Variants in RAD54B observed in about 807,000 individuals in gnomAD.
RAD54B encodes the protein RAD54 homolog B, also known as DNA repair and recombination protein RAD54B.
In RAD54B, 78 loss-of-function variants were observed where a neutral mutation model predicts 95.8. That is an observed-to-expected ratio of 0.81 (90% CI 0.68 to 0.98). The LOEUF is 0.98. RAD54B is among the 50% of genes least tolerant of loss of function. RAD54B has a pLI of 0.00. For missense variants in RAD54B, 957 were observed against 1,056.6 expected (o/e 0.91, Z 1.31); for synonymous variants, 328 against 354.9 (o/e 0.92, Z 0.85).
intron 6 of RAD54B, 46 bp from the exon 7 acceptor site, chr8:94,400,509 T>C (rs768220847): frequency 4.1e-6 from 6 of 1,456,196 alleles, no homozygotes; most frequent in African/African-American, 1.4e-5. Context: ...AGAAAAATAT[T>C]TTATGCTCTT....
chr8:94,420,479 C>T (rs1010036706), intron 3 of RAD54B, among the ~76,000 whole-genome samples: 4 of 151,490 alleles, frequency 2.6e-5, no homozygotes, highest in East Asian at 3.9e-4. Context: ...AGGCTGGTGT[C>T]GAACTCATGA....
At chr8:94,473,736 A>G (rs1813225500) in intron 1 of RAD54B, among the ~76,000 whole-genome samples, 1 of 152,178 alleles carries the variant, frequency 6.6e-6, no homozygotes, top group Non-Finnish European at 1.5e-5. Flanking sequence ...ATGTAAGTAC[A>G]CCAACTCTAC....
chr8:94,473,803 T>C (rs1256907615), intron 1 of RAD54B, among the ~76,000 whole-genome samples: 1 of 152,172 alleles, frequency 6.6e-6, no homozygotes, highest in African/African-American at 2.4e-5. Context: ...CCAACTACAT[T>C]AGGTAGTAAT....
At chr8:94,429,061 T>C (rs1488280890) in intron 3 of RAD54B, 1 of 985,246 alleles carries the variant, frequency 1.0e-6, no homozygotes, top group East Asian at 1.1e-4. Context: ...AAATTAAAAG[T>C]AAACAAGACT....
intron 11 of RAD54B, among the ~76,000 whole-genome samples, chr8:94,382,906 G>A (rs138381084): frequency 6.6e-6 from 1 of 152,306 alleles, no homozygotes; most frequent in African/African-American, 2.4e-5. Context: ...GTGGAACTGT[G>A]AGTCAATTAA....
At chr8:94,375,409 C>A (rs1422714418) in intron 14 of RAD54B, among the ~76,000 whole-genome samples, 1 of 152,060 alleles carries the variant, frequency 6.6e-6, no homozygotes, top group Non-Finnish European at 1.5e-5. Flanking sequence ...ATGGGTCTCA[C>A]GAGATCTGAT....
chr8:94,469,289 C>A (rs1218625940), intron 1 of RAD54B, among the ~76,000 whole-genome samples: 1 of 152,122 alleles, frequency 6.6e-6, no homozygotes, highest in Non-Finnish European at 1.5e-5. Context: ...GGCCTATTCT[C>A]GTGGTAGTGA....
At chr8:94,431,127 T>C (rs747338141) in intron 3 of RAD54B, 12 of 943,328 alleles carry the variant, frequency 1.3e-5, no homozygotes, top group African/African-American at 1.8e-5. Context: ...AGATTTAATA[T>C]AAATTTAATA....
In RAD54B at chr8:94,407,604, T is replaced by G. The variant is rs1293573659; in HGVS notation, c.616A>C (p.Arg206=). ...VISPDDFSSG[R]CFQLGGGSTA... is the part of the protein sequence containing the mutation. The stretch of plus-strand genomic sequence containing the variant: ...CTTCCTCCTCCAAGCTGAAAACACC[T>G]GCCACTGCTGAAGTCATCTGGAGAG... The change falls in exon 5 of 15, where the codon AGG becomes CGG. Residue 206 remains arginine, a synonymous_variant. Coordinates refer to ENST00000336148, the MANE Select transcript of RAD54B (RefSeq NM_012415.3). 3.7e-6 allele frequency: 6 copies of G among 1,613,896 alleles called. No homozygotes were observed. The African/African-American group carries it at 8.0e-5, about 22-fold the overall frequency.
At chr8:94,432,246 T>A (rs992405108) in intron 3 of RAD54B, 1 of 1,550,380 alleles carries the variant, frequency 6.5e-7, no homozygotes, top group Non-Finnish European at 8.7e-7. Flanking sequence ...TTTCAATCCA[T>A]CCCTCTTCTC....
Position 94,393,795 on chromosome 8 carries a change from C to T in RAD54B, c.1466G>A (p.Arg489Lys). The change falls in exon 9 of 15, where the codon AGG (arginine) becomes AAG (lysine). Residue 489 changes from arginine (R) to lysine (K), a missense_variant. Arg to Lys is a conservative substitution (Grantham distance 26). Coordinates refer to ENST00000336148, the MANE Select transcript of RAD54B (RefSeq NM_012415.3). ...AATGATGGGTTCTTCATATATTTTC[C>T]TATAAGATGACAAAGAGCCTAATAT... ...PGILGSLSSY[R>K]KIYEEPIILS... 6.3e-7 allele frequency: 1 copy of T among 1,585,978 alleles called. No homozygotes were observed. Among genetic ancestry groups the T allele is most frequent in the Non-Finnish European group, 8.7e-7 (1 of 1,155,982 alleles).
intron 14 of RAD54B, among the ~76,000 whole-genome samples, chr8:94,373,360 T>C (rs999095398): frequency 1.3e-5 from 2 of 151,624 alleles, no homozygotes; most frequent in African/African-American, 4.8e-5. Context: ...GGGCACTTAG[T>C]CACCTTTTCC....
At chr8:94,436,924 T>C (rs1586022714) in intron 3 of RAD54B, 2 of 1,459,816 alleles carry the variant, frequency 1.4e-6, no homozygotes, top group East Asian at 5.0e-5. Flanking sequence ...CCTTCAGCTC[T>C]GCTCAGCTCT....
intron 3 of RAD54B, among the ~76,000 whole-genome samples, chr8:94,435,341 T>C (rs1331404047): frequency 6.6e-6 from 1 of 152,060 alleles, no homozygotes; most frequent in Admixed American, 6.6e-5. Context: ...GGTAAGAAGC[T>C]AGGCTCAAAA....
intron 3 of RAD54B, chr8:94,436,917 T>C: frequency 6.9e-7 from 1 of 1,459,758 alleles, no homozygotes; most frequent in South Asian, 1.5e-5. Context: ...CATGCAGCCT[T>C]CAGCTCTGCT....
At chr8:94,435,677 G>C (rs3019279) in intron 3 of RAD54B, among the ~76,000 whole-genome samples, 61,821 of 151,766 alleles carry the variant, frequency 0.41, 12,730 homozygotes, top group Admixed American at 0.51. Flanking sequence ...TTACATAGAA[G>C]ACAAGTTTAA....
chr8:94,405,610 G>C (rs995332157), intron 5 of RAD54B, among the ~76,000 whole-genome samples: 1 of 152,144 alleles, frequency 6.6e-6, no homozygotes, highest in African/African-American at 2.4e-5. Flanking sequence ...GTAGTCCTTG[G>C]CTTTCCTCTA....
intron 4 of RAD54B, among the ~76,000 whole-genome samples, chr8:94,410,292 T>C (rs1427379178): frequency 6.6e-6 from 1 of 152,204 alleles, no homozygotes; most frequent in East Asian, 1.9e-4. Context: ...CCTGGGCAGA[T>C]TAAATGGTTC....
chr8:94,461,488 A>T (rs1163636719), intron 2 of RAD54B, among the ~76,000 whole-genome samples: 3 of 151,838 alleles, frequency 2.0e-5, no homozygotes, highest in Non-Finnish European at 2.9e-5. Flanking sequence ...CATCTTAATA[A>T]ATTTCATGGT....
Sources: gnomAD v4.1 joint callset for allele counts (sites outside exome capture counted in the v4.1 genomes callset) on GRCh38, gnomAD v4.1.1 for gene constraint, MANE v1.5 for transcripts, NCBI Gene and HGNC (gene_info 2026-07-23, HGNC 2026-07-21) for gene names.